The following MAST4 variants were observed in gnomAD, a reference collection of about 807,000 sequenced individuals.
MAST4 encodes microtubule associated serine/threonine kinase family member 4, also known as microtubule-associated serine/threonine-protein kinase 4.
Under a neutral mutation model 162.7 loss-of-function variants are expected in MAST4, and 89 were observed. That is an observed-to-expected ratio of 0.55 (90% CI 0.46 to 0.65). The LOEUF is 0.65. MAST4 is among the 30% of genes least tolerant of loss of function. MAST4 has a pLI of 0.00. For missense variants in MAST4, 3,153 were observed against 3,374.0 expected (o/e 0.93, Z 1.62); for synonymous variants, 1,479 against 1,361.1 (o/e 1.09, Z -1.91).
chr5:66,596,786 G>A lies in MAST4; in HGVS notation c.131G>A (p.Gly44Asp). 1 of 1,363,058 alleles carries A rather than the reference G, an allele frequency of 7.3e-7. No homozygotes were observed. Among genetic ancestry groups the A allele is most frequent in the Non-Finnish European group, 9.5e-7 (1 of 1,055,512 alleles). The allele number at this position is 1,363,058 out of a possible 1,614,324, so 84.4% of individuals were successfully genotyped here. Residue 44 changes from glycine (G) to aspartate (D), a missense_variant, in exon 1 of 29, where the codon GGC becomes GAC. By Grantham distance (94) the Gly-to-Asp change is moderately conservative (BLOSUM62 -1). Transcript: ENST00000403625. ...GCTTCCTCGGCCGAGTCCTCCTCGG[G>A]CTCAGAAACTCTGTCGGAGGAAGGG... ...PGASSAESSS[G>D]SETLSEEGEP...
intron 1 of MAST4, among the ~76,000 whole-genome samples, chr5:66,735,585 C>T (rs950905210): frequency 1.3e-5 from 2 of 152,154 alleles, no homozygotes; most frequent in Admixed American, 6.5e-5. Flanking sequence ...GCAAGATACA[C>T]TTATCCTAGG....
intron 4 of MAST4, among the ~76,000 whole-genome samples, chr5:66,937,172 G>A (rs957429968): frequency 1.5e-4 from 23 of 152,164 alleles, no homozygotes; most frequent in African/African-American, 5.5e-4. Flanking sequence ...TGTATGTCAA[G>A]CACTGCACAT....
intron 2 of MAST4, among the ~76,000 whole-genome samples, chr5:66,775,499 A>G (rs182388360): frequency 6.2e-4 from 94 of 152,258 alleles, no homozygotes; most frequent in African/African-American, 2.2e-3. Context: ...CCAGCCCTAC[A>G]CCTACCATTA....
chr5:67,164,562 G>A lies in MAST4; in HGVS notation c.5383G>A (p.Val1795Ile), dbSNP rs17221458. 0.02 allele frequency: 32,617 copies of A among 1,613,982 alleles called. 460 individuals carry two copies. Among genetic ancestry groups the A allele is most frequent in the Non-Finnish European group, 0.023 (26,652 of 1,179,872 alleles). The change falls in exon 29 of 29, where the codon GTC (valine) becomes ATC (isoleucine). Residue 1795 changes from valine to isoleucine, a missense_variant. Physicochemically the swap from Val to Ile is conservative, Grantham distance 29. Around this residue, in one of 7 missense-constraint regions of MAST4, gnomAD observed 1,644 missense variants for 1,495.0 expected, o/e 1.10. Transcript: ENST00000403625. The surrounding 1 kb of genome is among the most constrained non-coding windows in gnomAD (Gnocchi z 5.3). ...CGAGTATAAGCTGGAAGGTAGGTCT[G>A]TCTCATGCCTGAAGCCGATCGAGGG... ...PSEYKLEGRS[V>I]SCLKPIEGTL...
rs1772101671 is a variant in MAST4 at position 67,153,522 on chromosome 5, T to A, written c.3590T>A (p.Ile1197Asn). 2 of 1,601,622 alleles carry A rather than the reference T, an allele frequency of 1.2e-6. No homozygotes were observed. The change falls in exon 26 of 29, where the codon ATC becomes AAC. Residue 1197 changes from isoleucine to asparagine, a missense_variant. Around this residue, in one of 7 missense-constraint regions of MAST4, gnomAD observed 619 missense variants for 744.2 expected, o/e 0.83. Transcript: ENST00000403625. Reference protein sequence around the residue: ...GLKAGDLITHINGEPVHGLVH... With the variant: ...GLKAGDLITHNNGEPVHGLVH... Reference sequence around the variant, plus strand: ...AAGGCTGGAGATCTTATCACTCACATCAATGGAGAACCAGTGCATGGACTT... The same window carrying A: ...AAGGCTGGAGATCTTATCACTCACAACAATGGAGAACCAGTGCATGGACTT...
intron 3 of MAST4, among the ~76,000 whole-genome samples, chr5:66,843,902 T>A (rs1029119524): frequency 4.9e-4 from 74 of 152,242 alleles, no homozygotes; most frequent in African/African-American, 1.7e-3. Context: ...TCATGAATTA[T>A]CTCAGGTTTT....
intron 9 of MAST4, among the ~76,000 whole-genome samples, chr5:67,102,967 A>G (rs534206632): frequency 6.6e-6 from 1 of 152,264 alleles, no homozygotes; most frequent in East Asian, 1.9e-4. Context: ...TGTTAAGTAG[A>G]GACTGTTTTT....
At chr5:66,643,711 T>C (rs1383952310) in intron 1 of MAST4, among the ~76,000 whole-genome samples, 2 of 152,112 alleles carry the variant, frequency 1.3e-5, no homozygotes, top group African/African-American at 2.4e-5. Context: ...TTAAACATCA[T>C]ACTCCTCTTG....
At chr5:67,044,760 G>A (rs1757170177) in intron 4 of MAST4, among the ~76,000 whole-genome samples, 1 of 152,158 alleles carries the variant, frequency 6.6e-6, no homozygotes, top group African/African-American at 2.4e-5. Context: ...GAGCCTTCCT[G>A]CCTTGGCCAC....
At chr5:66,833,682 G>A (rs970503758) in intron 3 of MAST4, among the ~76,000 whole-genome samples, 1 of 152,066 alleles carries the variant, frequency 6.6e-6, no homozygotes, top group African/African-American at 2.4e-5. Flanking sequence ...AGATTAATGT[G>A]AATTTTAATT....
Position 67,165,892 on chromosome 5 carries a change from A to AG in MAST4, c.6717dup (p.Lys2240GlufsTer5). On this transcript the variant is annotated frameshift_variant, in exon 29 of 29. Transcript: ENST00000403625. LOFTEE classifies it low-confidence loss of function (END_TRUNC). ...CAGTCCCTCGGTGGCTCTAGCAGAG[A>AG]GGGGAAGGGCCACAGTAAGAGTGGG... is the stretch of plus-strand genomic sequence containing the variant. 6.2e-7 allele frequency: 1 copy of AG among 1,613,302 alleles called. No homozygotes were observed. The highest frequency in any genetic ancestry group is 8.5e-7 in the Non-Finnish European group (1 of 1,179,870).
At chr5:66,609,027 G>A (rs1262655310) in intron 1 of MAST4, among the ~76,000 whole-genome samples, 1 of 151,128 alleles carries the variant, frequency 6.6e-6, no homozygotes, top group Non-Finnish European at 1.5e-5. Context: ...GAGACTGAGT[G>A]TGGAATTGGA....
chr5:66,863,368 A>G (rs1012267767), intron 3 of MAST4, among the ~76,000 whole-genome samples: 1 of 152,154 alleles, frequency 6.6e-6, no homozygotes, highest in Non-Finnish European at 1.5e-5. Context: ...TCTTTAAAAA[A>G]CTGGGACTGG....
chr5:67,149,923 AT>A lies in MAST4; in HGVS notation c.3295+342del, dbSNP rs528871043. On this transcript the variant is annotated intron_variant, in intron 24 of 28. Transcript: ENST00000403625. ...ATGATAAATTTTCCTTCCTTGAATAATTTTTTTTCTCTAGAGTATGTATAAT... is the reference window on the plus strand; with the variant it reads ...ATGATAAATTTTCCTTCCTTGAATAATTTTTTTCTCTAGAGTATGTATAAT... Among the ~76,000 whole-genome samples, 98 of 151,802 alleles carry A rather than the reference AT, an allele frequency of 6.5e-4. 1 individual carries two copies. Among genetic ancestry groups the A allele is most frequent in the Non-Finnish European group, 1.3e-3 (85 of 67,940 alleles).
At chr5:67,152,237 A>C (rs962701454) in intron 24 of MAST4, among the ~76,000 whole-genome samples, 1 of 152,250 alleles carries the variant, frequency 6.6e-6, no homozygotes, top group African/African-American at 2.4e-5. Flanking sequence ...TCTTCTCCAC[A>C]TGAAGACATA....
chr5:66,676,766 C>G (rs1262604010), intron 1 of MAST4, among the ~76,000 whole-genome samples: 2 of 152,126 alleles, frequency 1.3e-5, no homozygotes, highest in African/African-American at 4.8e-5. Flanking sequence ...ATATTTTCAT[C>G]CTAAGATGTC....
intron 1 of MAST4, among the ~76,000 whole-genome samples, chr5:66,653,826 C>T (rs1321667910): frequency 6.6e-6 from 1 of 152,154 alleles, no homozygotes; most frequent in East Asian, 1.9e-4. Flanking sequence ...TATACTATAC[C>T]TTTTGACAGT....
chr5:67,104,860 T>A (rs1765424837), intron 10 of MAST4, among the ~76,000 whole-genome samples: 1 of 152,176 alleles, frequency 6.6e-6, no homozygotes, highest in Admixed American at 6.5e-5. Flanking sequence ...AAGCAGTGAT[T>A]TTTTCCCCCT....
At chr5:67,019,688 G>T (rs1753736517) in intron 4 of MAST4, among the ~76,000 whole-genome samples, 1 of 152,160 alleles carries the variant, frequency 6.6e-6, no homozygotes. Context: ...TTTTAGGGAA[G>T]TAGCTTTAAT....
Sources: gnomAD v4.1 joint callset for allele counts (sites outside exome capture counted in the v4.1 genomes callset) on GRCh38, gnomAD v4.1.1 for gene constraint, gnomAD v4.1.1 regional missense constraint, Gnocchi (gnomAD v3.1) non-coding constraint, MANE v1.5 for transcripts, NCBI Gene and HGNC (gene_info 2026-07-23, HGNC 2026-07-21) for gene names.